The following ZIM2 variants were observed in gnomAD, a reference collection of about 807,000 sequenced individuals.
The protein encoded by ZIM2 is zinc finger protein 656.
In ZIM2, 14 loss-of-function variants were observed where a neutral mutation model predicts 38.6. The ratio of observed to expected loss-of-function variants is 0.36; its 90% CI spans 0.24 to 0.57. The LOEUF (loss-of-function observed/expected upper bound fraction) is 0.57, where lower values mean the gene tolerates loss of function less well. Among genes scored for constraint, ZIM2 ranks in the 20% least tolerant of loss-of-function variants. The pLI is 0.81. For synonymous variants in ZIM2, 247 were observed against 245.8 expected (o/e 1.00, Z -0.04); for missense variants, 680 against 695.1 (o/e 0.98, Z 0.24).
At chr19:56,812,854 AT>A in intron 9 of ZIM2, 1 of 985,244 alleles carries the variant, frequency 1.0e-6, no homozygotes, top group Non-Finnish European at 1.2e-6. Context: ...AATGTGTAAT[AT>A]TTTTGCATGA....
At chr19:56,815,439 G>A (rs1386599065) in intron 9 of ZIM2, 4 of 1,614,010 alleles carry the variant, frequency 2.5e-6, no homozygotes, top group African/African-American at 1.3e-5. Context: ...ACCATTCATA[G>A]TTTCTGCTTC....
At chr19:56,792,510 G>A (rs530335941) in intron 9 of ZIM2, among the ~76,000 whole-genome samples, 2 of 115,338 alleles carry the variant, frequency 1.7e-5, no homozygotes, top group South Asian at 2.9e-4. Flanking sequence ...TACCCTGGGC[G>A]ACAGAGCAAG....
intron 1 of ZIM2, among the ~76,000 whole-genome samples, chr19:56,837,413 C>T (rs2062275289): frequency 6.6e-6 from 1 of 152,246 alleles, no homozygotes; most frequent in African/African-American, 2.4e-5. Context: ...CCAAATCTTA[C>T]ACCCACAGCC....
chr19:56,782,721 T>C (rs1320011421), intron 10 of ZIM2, among the ~76,000 whole-genome samples: 2 of 152,136 alleles, frequency 1.3e-5, no homozygotes, highest in Non-Finnish European at 2.9e-5. Context: ...TTTTTAATTT[T>C]TAAAAATTTT....
intron 9 of ZIM2, among the ~76,000 whole-genome samples, chr19:56,793,584 A>G (rs988375609): frequency 6.6e-6 from 1 of 152,238 alleles, no homozygotes; most frequent in African/African-American, 2.4e-5. Flanking sequence ...GATGACAGCT[A>G]TAAATAGCCA....
At chr19:56,789,405 A>G (rs747813738) in intron 10 of ZIM2, among the ~76,000 whole-genome samples, 69 of 152,328 alleles carry the variant, frequency 4.5e-4, no homozygotes, top group Admixed American at 7.8e-4. Context: ...GCCTGGGTTC[A>G]TATCTCAATC....
chr19:56,799,900 T>C (rs928652178), intron 9 of ZIM2, among the ~76,000 whole-genome samples: 13 of 152,142 alleles, frequency 8.5e-5, no homozygotes, highest in African/African-American at 3.1e-4. Flanking sequence ...TGGATGAATA[T>C]AGAAAAACAT....
At chr19:56,828,784 C>T (rs181386364) in intron 2 of ZIM2, among the ~76,000 whole-genome samples, 14 of 152,104 alleles carry the variant, frequency 9.2e-5, no homozygotes, top group South Asian at 4.1e-4. Context: ...TAATAAAGGC[C>T]GGTTACTTAA....
Position 56,827,060 on chromosome 19 carries a change from G to A in ZIM2, c.-226-597C>T, listed in dbSNP as rs572685455. Among the ~76,000 whole-genome samples the A allele has an allele frequency of 2.6e-5, 4 of 152,084 alleles. No homozygotes were observed. The South Asian group carries it at 6.2e-4, about 24-fold the overall frequency. On this transcript the variant is annotated intron_variant, in intron 2 of 12. Transcript: ENST00000629319. Reference sequence around the variant, plus strand: ...AAGCAGAGAAAAATATGACCACTAGGGAAGAAATCTAAAAAGCTGAAATAA... The same window carrying A: ...AAGCAGAGAAAAATATGACCACTAGAGAAGAAATCTAAAAAGCTGAAATAA...
At chr19:56,833,158 G>C (rs547166777) in intron 2 of ZIM2, 1 of 517,470 alleles carries the variant, frequency 1.9e-6, no homozygotes, top group African/African-American at 1.9e-5. Context: ...CTCCGGTTTG[G>C]CCTCAGGCTC....
rs201029818 is a variant in ZIM2, at chr19:56,817,351, C to T, written c.490+395G>A. On this transcript the variant is annotated intron_variant, in intron 9 of 12. Transcript: ENST00000629319. ...CCTAAATGCATTCCCTTCATAAACC[C>T]GCTGCTGGATCACTGACTCCCTCTT... is the stretch of plus-strand genomic sequence containing the variant. The T allele has an allele frequency of 5.0e-5, 81 of 1,613,906 alleles. No individual in the cohort carries two copies. In the East Asian group the frequency reaches 1.4e-3, roughly 28 times the overall value.
chr19:56,787,782 T>C (rs2046695183), intron 10 of ZIM2, among the ~76,000 whole-genome samples: 2 of 151,376 alleles, frequency 1.3e-5, no homozygotes, highest in African/African-American at 4.9e-5. Flanking sequence ...TATTGGTCTA[T>C]TCAGGGATTC....
At chr19:56,782,202 C>G (rs1310515474) in intron 10 of ZIM2, 81 bp from the exon 11 acceptor site, 2 of 1,546,764 alleles carry the variant, frequency 1.3e-6, no homozygotes, top group East Asian at 2.3e-5. Context: ...AGAGCTTCCA[C>G]GTGCTCTAAT....
At chr19:56,800,233 T>C (rs896900956) in intron 9 of ZIM2, among the ~76,000 whole-genome samples, 1 of 152,078 alleles carries the variant, frequency 6.6e-6, no homozygotes, top group African/African-American at 2.4e-5. Flanking sequence ...ATGAAAGAAC[T>C]AAGTACATAT....
Position 56,814,984 on chromosome 19 carries a change from T to G in ZIM2, c.490+2762A>C, listed in dbSNP as rs145519551. The G allele has an allele frequency of 6.8e-6, 11 of 1,614,100 alleles. No homozygotes were observed. In the East Asian group the frequency reaches 2.5e-4, roughly 36 times the overall value. On this transcript the variant is annotated intron_variant, in intron 9 of 12. Transcript: ENST00000629319. This position sits in a 1 kb window ranked among gnomAD's most constrained non-coding sequence, Gnocchi z 5.8. ...CTGCTCTCCAGTGTAATCTCTCTGA[T>G]ACTCGCTGATGGAATGGGTGTGAAT... is the stretch of plus-strand genomic sequence containing the variant.
chr19:56,802,315 T>C (rs1364879435), intron 9 of ZIM2, among the ~76,000 whole-genome samples: 2 of 152,004 alleles, frequency 1.3e-5, no homozygotes, highest in Non-Finnish European at 2.9e-5. Flanking sequence ...CCACCAAAAT[T>C]GACTATGGAA....
chr19:56,829,298 C>T (rs561911783), intron 2 of ZIM2, among the ~76,000 whole-genome samples: 22 of 149,466 alleles, frequency 1.5e-4, no homozygotes, highest in East Asian at 7.8e-4. Context: ...GAGCCAAAAT[C>T]GCACCACTGC....
At chr19:56,776,989 C>T (rs1053086578) in intron 12 of ZIM2, among the ~76,000 whole-genome samples, 3 of 152,100 alleles carry the variant, frequency 2.0e-5, no homozygotes, top group Non-Finnish European at 4.4e-5. Flanking sequence ...CAGTGTTTTG[C>T]TAAAAGTTTG....
At chr19:56,832,501 T>C (rs2061670738) in intron 2 of ZIM2, among the ~76,000 whole-genome samples, 1 of 152,208 alleles carries the variant, frequency 6.6e-6, no homozygotes, top group South Asian at 2.1e-4. Context: ...CCTTCCTGGC[T>C]TGAAGGTGGG....
Sources: gnomAD v4.1 joint callset for allele counts (sites outside exome capture counted in the v4.1 genomes callset) on GRCh38, gnomAD v4.1.1 for gene constraint, Gnocchi (gnomAD v3.1) non-coding constraint, MANE v1.5 for transcripts, NCBI Gene and HGNC (gene_info 2026-07-23, HGNC 2026-07-21) for gene names.